RB1: variants seen among roughly 807,000 people sequenced by gnomAD.
The protein encoded by RB1 is retinoblastoma-associated protein.
In RB1, 18 loss-of-function variants were observed where a neutral mutation model predicts 135.4. That is an observed-to-expected ratio of 0.13 (90% CI 0.09 to 0.20). The LOEUF is 0.20. RB1 is among the 10% of genes least tolerant of loss of function. RB1 has a pLI of 1.00. For synonymous variants in RB1, 365 were observed against 373.2 expected (o/e 0.98, Z 0.25); for missense variants, 868 against 1,110.0 (o/e 0.78, Z 3.10).
At position 48,480,104 on chromosome 13, in the gene RB1, C is replaced by T. The variant is rs769550932; in HGVS notation, c.*33C>T. ...AGGACCTTGGTGGACACTGTGTACACCTCTGGATTCATTGTCTCTCACAGA... is the reference window on the plus strand; with the variant it reads ...AGGACCTTGGTGGACACTGTGTACATCTCTGGATTCATTGTCTCTCACAGA... On this transcript the variant is annotated 3_prime_UTR_variant, in exon 27 of 27. Transcript: ENST00000267163. 2.0e-6 allele frequency: 3 copies of T among 1,537,468 alleles called. No individual in the cohort carries two copies. Among genetic ancestry groups the T allele is most frequent in the South Asian group, 1.1e-5 (1 of 88,768 alleles).
At chr13:48,339,508 T>C (rs1952422058) in intron 2 of RB1, among the ~76,000 whole-genome samples, 1 of 152,240 alleles carries the variant, frequency 6.6e-6, no homozygotes, top group Non-Finnish European at 1.5e-5. Flanking sequence ...TGCTGTTTGC[T>C]GAGACCATTG....
In RB1 at chr13:48,319,388, G is replaced by A; in HGVS notation, c.264+11982G>A. ...AGTACACCTGGATGGCCTCCTCAGT[G>A]CCGTCGTTGCTGCTGGAGTCTGACG... On this transcript the variant is annotated intron_variant, in intron 2 of 26. Transcript: ENST00000267163. This position sits in a 1 kb window ranked among gnomAD's most constrained non-coding sequence, Gnocchi z 5.0. The A allele has an allele frequency of 2.3e-6, 1 of 426,860 alleles. No homozygotes were observed. Among genetic ancestry groups the A allele is most frequent in the Non-Finnish European group, 4.4e-6 (1 of 228,618 alleles). 26.4% of individuals were successfully genotyped at this position (426,860 alleles called of 1,614,324 possible). A position where few individuals can be genotyped will look rare whatever the true frequency, so the allele number is the denominator to read the frequency against.
At chr13:48,339,899 A>T (rs74816369) in intron 2 of RB1, among the ~76,000 whole-genome samples, 3,624 of 152,280 alleles carry the variant, frequency 0.024, 158 homozygotes, top group African/African-American at 0.083. Flanking sequence ...AACTAAAATG[A>T]ACAAAATATA....
intron 17 of RB1, chr13:48,412,716 TCAA>T (rs1593485214): frequency 2.2e-6 from 1 of 455,138 alleles, no homozygotes; most frequent in East Asian, 4.7e-5. Context: ...AAAAATACAG[TCAA>T]CGAGTCCAAC....
intron 2 of RB1, chr13:48,320,351 A>G: frequency 8.0e-7 from 1 of 1,254,572 alleles, no homozygotes; most frequent in South Asian, 1.2e-5. Flanking sequence ...GCGCTCACCG[A>G]CACGCTCTCC....
chr13:48,415,117 C>A (rs1052174523), intron 17 of RB1, among the ~76,000 whole-genome samples: 1 of 151,892 alleles, frequency 6.6e-6, no homozygotes, highest in Admixed American at 6.6e-5. Context: ...ATATGCTGAT[C>A]TCATCCTACT....
At chr13:48,388,431 A>G (rs1438602902) in intron 17 of RB1, among the ~76,000 whole-genome samples, 3 of 152,202 alleles carry the variant, frequency 2.0e-5, no homozygotes, top group African/African-American at 7.2e-5. Flanking sequence ...ATCTAGGCTA[A>G]GATTATGGAC....
chr13:48,338,630 T>G (rs1209488593), intron 2 of RB1, among the ~76,000 whole-genome samples: 1 of 152,260 alleles, frequency 6.6e-6, no homozygotes, highest in Admixed American at 6.5e-5. Context: ...TAGAACTTCC[T>G]TCTTTAGCTC....
At chr13:48,326,694 C>A (rs1257285478) in intron 2 of RB1, among the ~76,000 whole-genome samples, 23 of 152,098 alleles carry the variant, frequency 1.5e-4, no homozygotes. Context: ...CAGGTTGCTT[C>A]TCTGAGTTAT....
chr13:48,419,337 A>T (rs545450163), intron 17 of RB1, among the ~76,000 whole-genome samples: 1 of 152,210 alleles, frequency 6.6e-6, no homozygotes, highest in Admixed American at 6.5e-5. Context: ...TTTGAAACCA[A>T]TGAGAACCAA....
In RB1 at chr13:48,306,556, A is replaced by G. The variant is rs1354631646; in HGVS notation, c.138-724A>G. Reference sequence around the variant, plus strand: ...GCTGAGACCTCAGGTAAGTTCTTTAACTTCTCCAATTTGACAGACATCTGT... The same window carrying G: ...GCTGAGACCTCAGGTAAGTTCTTTAGCTTCTCCAATTTGACAGACATCTGT... On this transcript the variant is annotated intron_variant, in intron 1 of 26. Transcript: ENST00000267163. Among the ~76,000 whole-genome samples the G allele has an allele frequency of 2.0e-5, 3 of 152,304 alleles. No individual in the cohort carries two copies. In the East Asian group the frequency reaches 5.8e-4, roughly 29 times the overall value.
At chr13:48,446,758 A>G (rs532471593) in intron 17 of RB1, among the ~76,000 whole-genome samples, 1 of 152,354 alleles carries the variant, frequency 6.6e-6, no homozygotes, top group East Asian at 1.9e-4. Flanking sequence ...TGGAATAGAA[A>G]GATGACCAGG....
chr13:48,438,540 T>A (rs184935341), intron 17 of RB1, among the ~76,000 whole-genome samples: 1 of 152,256 alleles, frequency 6.6e-6, no homozygotes, highest in Admixed American at 6.5e-5. Flanking sequence ...TATTGCTATT[T>A]TTTATTTACT....
rs1050502891 is a variant in RB1 at position 48,346,161 on chromosome 13, A to G, written c.500+962A>G. 5.3e-5 allele frequency among the ~76,000 whole-genome samples: 8 copies of G among 150,914 alleles called. No individual in the cohort carries two copies. In the East Asian group the frequency reaches 9.6e-4, roughly 18 times the overall value. On this transcript the variant is annotated intron_variant, in intron 4 of 26. Coordinates refer to ENST00000267163, the MANE Select transcript of RB1 (RefSeq NM_000321.3). ...AATAGAAGCTTTTTGCACAAGAAAAAGGGAAATTTTTAATTATTAATGGAG... is the reference window on the plus strand; with the variant it reads ...AATAGAAGCTTTTTGCACAAGAAAAGGGGAAATTTTTAATTATTAATGGAG...
intron 17 of RB1, among the ~76,000 whole-genome samples, chr13:48,383,204 A>G (rs1948550021): frequency 6.6e-6 from 1 of 152,044 alleles, no homozygotes; most frequent in Non-Finnish European, 1.5e-5. Context: ...ATTTTTTCCC[A>G]TTATTAAAGT....
In RB1 at chr13:48,362,875, G is replaced by C. The variant is rs1342634687; in HGVS notation, c.779G>C (p.Ser260Thr). ...PRTPRRGQNRSARIAKQLEND... is the reference protein window; with the variant it reads ...PRTPRRGQNRTARIAKQLEND... ...ACACCCAGGCGAGGTCAGAACAGGAGTGCACGGATAGCAAAACAACTAGAA... is the reference window on the plus strand; with the variant it reads ...ACACCCAGGCGAGGTCAGAACAGGACTGCACGGATAGCAAAACAACTAGAA... The change falls in exon 8 of 27, where the codon AGT becomes ACT. Residue 260 changes from serine (S) to threonine (T), a missense_variant. Physicochemically the swap from Ser to Thr is moderately conservative, Grantham distance 58. This residue lies in a region of RB1 where 641 missense variants were observed against 791.3 expected (regional missense o/e 0.81). Coordinates refer to ENST00000267163, the MANE Select transcript of RB1 (RefSeq NM_000321.3). 6.2e-7 allele frequency: 1 copy of C among 1,613,886 alleles called. No individual in the cohort carries two copies. The highest frequency in any genetic ancestry group is 1.1e-5 in the South Asian group (1 of 91,078).
At chr13:48,329,000 G>A (rs543461772) in intron 2 of RB1, among the ~76,000 whole-genome samples, 2 of 151,948 alleles carry the variant, frequency 1.3e-5, no homozygotes, top group East Asian at 3.9e-4. Context: ...CCTTATTTAT[G>A]TACATTATAA....
At chr13:48,349,414 A>G (rs766339107) in intron 6 of RB1, among the ~76,000 whole-genome samples, 4 of 151,948 alleles carry the variant, frequency 2.6e-5, no homozygotes, top group Non-Finnish European at 5.9e-5. Context: ...CAGTTAAGGT[A>G]TAGAATTTTT....
At chr13:48,388,839 TA>T (rs1566201998) in intron 17 of RB1, among the ~76,000 whole-genome samples, 1 of 151,942 alleles carries the variant, frequency 6.6e-6, no homozygotes, top group Non-Finnish European at 1.5e-5. Flanking sequence ...GCCAGGAAGA[TA>T]AGAAGAAAAT....
Sources: gnomAD v4.1 joint callset for allele counts (sites outside exome capture counted in the v4.1 genomes callset) on GRCh38, gnomAD v4.1.1 for gene constraint, gnomAD v4.1.1 regional missense constraint, Gnocchi (gnomAD v3.1) non-coding constraint, MANE v1.5 for transcripts, NCBI Gene and HGNC (gene_info 2026-07-23, HGNC 2026-07-21) for gene names.